The following BRAF variants were observed in gnomAD, a reference collection of about 807,000 sequenced individuals.
BRAF encodes the protein B-Raf proto-oncogene, serine/threonine kinase, also known as serine/threonine-protein kinase B-raf.
BRAF carries 16 observed loss-of-function variants against 104.6 expected under a neutral mutation model. The ratio of observed to expected loss-of-function variants is 0.15; its 90% CI spans 0.10 to 0.23. The LOEUF is 0.23. BRAF is among the 10% of genes least tolerant of loss of function. The pLI is 1.00. For synonymous variants in BRAF, 310 were observed against 341.6 expected (o/e 0.91, Z 1.02); for missense variants, 541 against 937.3 (o/e 0.58, Z 5.52).
At chr7:140,881,845 T>TA (rs1172697988) in intron 1 of BRAF, among the ~76,000 whole-genome samples, 3 of 152,176 alleles carry the variant, frequency 2.0e-5, no homozygotes, top group Non-Finnish European at 4.4e-5. Flanking sequence ...GTGGAGCAGT[T>TA]AGATCACACA....
intron 3 of BRAF, among the ~76,000 whole-genome samples, chr7:140,822,775 T>C (rs188366443): frequency 6.6e-6 from 1 of 152,352 alleles, no homozygotes; most frequent in East Asian, 1.9e-4. Flanking sequence ...CCCTTTTCTC[T>C]TGGGTAAATA....
chr7:140,791,993 A>C (rs984740847), intron 8 of BRAF, among the ~76,000 whole-genome samples: 1 of 152,218 alleles, frequency 6.6e-6, no homozygotes, highest in Non-Finnish European at 1.5e-5. Context: ...AAAGATAATC[A>C]TAGTACATAA....
At chr7:140,788,406 A>G (rs775712196) in intron 8 of BRAF, among the ~76,000 whole-genome samples, 44 of 152,230 alleles carry the variant, frequency 2.9e-4, no homozygotes, top group Admixed American at 1.6e-3. Flanking sequence ...ATTATGGTGT[A>G]TCAATTTAAT....
chr7:140,769,489 C>G (rs983330245), intron 14 of BRAF, among the ~76,000 whole-genome samples: 7 of 152,154 alleles, frequency 4.6e-5, no homozygotes, highest in Non-Finnish European at 1.5e-5. Context: ...TACATACACA[C>G]CACTTTTTAA....
intron 3 of BRAF, among the ~76,000 whole-genome samples, chr7:140,815,169 G>A (rs1413981533): frequency 6.8e-6 from 1 of 146,050 alleles, no homozygotes; most frequent in African/African-American, 2.5e-5. Flanking sequence ...ACAGAGTCTC[G>A]CTCTGTCGCC....
intron 1 of BRAF, among the ~76,000 whole-genome samples, chr7:140,897,096 G>A (rs1815009332): frequency 6.6e-6 from 1 of 150,598 alleles, no homozygotes; most frequent in African/African-American, 2.4e-5. Flanking sequence ...TAGACTTAGA[G>A]GACATTGACA....
At chr7:140,775,299 C>T (rs1022613329) in intron 14 of BRAF, among the ~76,000 whole-genome samples, 2 of 151,866 alleles carry the variant, frequency 1.3e-5, no homozygotes, top group African/African-American at 4.8e-5. Context: ...TTGTTTCTCA[C>T]TGAATGTTCA....
In BRAF at chr7:140,919,219, G is replaced by A. The variant is rs984274506; in HGVS notation, c.138+5347C>T. 5.3e-5 allele frequency among the ~76,000 whole-genome samples: 8 copies of A among 151,778 alleles called. No homozygotes were observed. The East Asian group carries it at 5.8e-4, about 11-fold the overall frequency. On this transcript the variant is annotated intron_variant, in intron 1 of 19. Coordinates refer to ENST00000644969, the MANE Select transcript of BRAF (RefSeq NM_001374258.1). ...CGAAAAATTCTCCTAGAGCTCTGGC[G>A]TACTTTGAAAACCACCGTCCCACAG...
chr7:140,787,578 T>A lies in BRAF; in HGVS notation c.1147A>T (p.Ile383Phe). 6.2e-7 allele frequency: 1 copy of A among 1,612,232 alleles called. No homozygotes were observed. The highest frequency in any genetic ancestry group is 8.5e-7 in the Non-Finnish European group (1 of 1,178,488). The change falls in exon 9 of 20, where the codon ATT becomes TTT. Residue 383 changes from isoleucine (I) to phenylalanine (F), a missense_variant. By Grantham distance (21) the Ile-to-Phe change is conservative. This residue lies in a region of BRAF where 109 missense variants were observed against 143.9 expected (regional missense o/e 0.76). Coordinates refer to ENST00000644969, the MANE Select transcript of BRAF (RefSeq NM_001374258.1). ...TCACCACGAAATCCTTGGTCTCTAA[T>A]CAAGTCCTACAAATAAATAGTAATG... ...TIEPVNIDDL[I>F]RDQGFRGDGA...
intron 1 of BRAF, among the ~76,000 whole-genome samples, chr7:140,915,992 ACAAAC>A (rs1050033928): frequency 6.8e-6 from 1 of 147,586 alleles, no homozygotes; most frequent in Non-Finnish European, 1.5e-5. Flanking sequence ...AAACAAACAA[ACAAAC>A]AAAAAAAACC....
At chr7:140,904,088 C>A (rs1816004945) in intron 1 of BRAF, among the ~76,000 whole-genome samples, 1 of 152,232 alleles carries the variant, frequency 6.6e-6, no homozygotes, top group South Asian at 2.1e-4. Context: ...ACTGGCAGAT[C>A]TGAGAGGACT....
chr7:140,848,188 CT>C (rs1447413556), intron 2 of BRAF, among the ~76,000 whole-genome samples: 8 of 152,086 alleles, frequency 5.3e-5, no homozygotes, highest in Middle Eastern at 3.4e-3. Flanking sequence ...GAAAAGCTGT[CT>C]GGGGGGTGAG....
intron 1 of BRAF, among the ~76,000 whole-genome samples, chr7:140,910,242 T>C (rs570087262): frequency 9.2e-5 from 14 of 152,332 alleles, no homozygotes; most frequent in African/African-American, 2.9e-4. Flanking sequence ...AAAACTAACA[T>C]ATGTATTTCC....
rs2129152890 is a variant in BRAF, at chr7:140,924,467, G to A, written c.138+99C>T. On this transcript the variant is annotated intron_variant, in intron 1 of 19. Transcript: ENST00000644969. The surrounding 1 kb of genome is among the most constrained non-coding windows in gnomAD (Gnocchi z 4.2). The stretch of plus-strand genomic sequence containing the variant: ...GCGGAGCTGGCCCGAGAAGGTGGCT[G>A]AGGGCATCAAGCCCCCACCGCCGCC... The A allele has an allele frequency of 1.3e-6, 2 of 1,498,568 alleles. No individual in the cohort carries two copies. The highest frequency in any genetic ancestry group is 2.4e-5 in the South Asian group (2 of 82,616). The allele number at this position is 1,498,568 out of a possible 1,614,324, so 92.8% of individuals were successfully genotyped here. A position where few individuals can be genotyped will look rare whatever the true frequency, so the allele number is the denominator to read the frequency against.
intron 10 of BRAF, among the ~76,000 whole-genome samples, chr7:140,784,136 AG>A (rs1363881888): frequency 6.6e-6 from 1 of 152,162 alleles, no homozygotes; most frequent in Non-Finnish European, 1.5e-5. Flanking sequence ...TCAAGAAAAT[AG>A]ATTCTTTTTA....
chr7:140,839,247 G>A (rs992635262), intron 2 of BRAF, among the ~76,000 whole-genome samples: 1 of 152,082 alleles, frequency 6.6e-6, no homozygotes, highest in Non-Finnish European at 1.5e-5. Flanking sequence ...GGTCAACGCT[G>A]GAGGATCACT....
At chr7:140,820,010 G>T (rs1805306862) in intron 3 of BRAF, among the ~76,000 whole-genome samples, 1 of 151,980 alleles carries the variant, frequency 6.6e-6, no homozygotes, top group Non-Finnish European at 1.5e-5. Flanking sequence ...TTTTTTTAAA[G>T]AAATTTTCTT....
In BRAF at chr7:140,725,679, G is replaced by A. The variant is rs1795560212; in HGVS notation, c.*815C>T. On this transcript the variant is annotated 3_prime_UTR_variant, in exon 20 of 20. Coordinates refer to ENST00000644969, the MANE Select transcript of BRAF (RefSeq NM_001374258.1). ...GGAAGATATAAACTGTATTTCCTGA[G>A]AATTTGCTACATTGTGGAGGAAAAA... 9.5e-7 allele frequency: 1 copy of A among 1,057,076 alleles called. No individual in the cohort carries two copies. Among genetic ancestry groups the A allele is most frequent in the Non-Finnish European group, 1.1e-6 (1 of 874,938 alleles). The allele number at this position is 1,057,076 out of a possible 1,614,324, so 65.5% of individuals were successfully genotyped here. A position where few individuals can be genotyped will look rare whatever the true frequency, so the allele number is the denominator to read the frequency against.
chr7:140,775,096 TGGG>T (rs1289380928), intron 14 of BRAF, among the ~76,000 whole-genome samples: 1 of 152,108 alleles, frequency 6.6e-6, no homozygotes, highest in South Asian at 2.1e-4. Flanking sequence ...CAGAGTGACG[TGGG>T]GACATGTTAG....
Sources: gnomAD v4.1 joint callset for allele counts (sites outside exome capture counted in the v4.1 genomes callset) on GRCh38, gnomAD v4.1.1 for gene constraint, gnomAD v4.1.1 regional missense constraint, Gnocchi (gnomAD v3.1) non-coding constraint, MANE v1.5 for transcripts, NCBI Gene and HGNC (gene_info 2026-07-23, HGNC 2026-07-21) for gene names.